Variants in FERMT2 observed in about 807,000 individuals in gnomAD.
FERMT2 encodes the protein FERM domain containing kindlin 2, also known as fermitin family homolog 2.
In FERMT2, 15 loss-of-function variants were observed where a neutral mutation model predicts 82.7. The observed-to-expected ratio is 0.18, with a 90% CI of 0.12 to 0.28. The LOEUF (loss-of-function observed/expected upper bound fraction) is 0.28. Ranked by LOEUF, FERMT2 falls within the 10% of genes least tolerant of loss-of-function variation. FERMT2 has a pLI of 1.00. For missense variants in FERMT2, 645 were observed against 809.4 expected, an observed-to-expected ratio of 0.80 and a Z score of 2.46; for synonymous variants, 274 against 271.5, an observed-to-expected ratio of 1.01 and a Z score of -0.09.
At chr14:52,889,217 A>G (rs1260127299) in intron 4 of FERMT2, among the ~76,000 whole-genome samples, 3 of 152,234 alleles carry the variant, frequency 2.0e-5, no homozygotes, top group African/African-American at 7.2e-5. Context: ...TTGGACAAGA[A>G]GTTGCTCAAT....
chr14:52,868,414 C>G (rs1885419883), intron 10 of FERMT2, among the ~76,000 whole-genome samples: 2 of 152,078 alleles, frequency 1.3e-5, no homozygotes, highest in African/African-American at 4.8e-5. Flanking sequence ...ACCCCTTGCT[C>G]TTTTCCTTTC....
chr14:52,889,051 G>C (rs1053190181), intron 4 of FERMT2, among the ~76,000 whole-genome samples: 11 of 152,126 alleles, frequency 7.2e-5, no homozygotes, highest in African/African-American at 2.7e-4. Context: ...GGATGAGCCT[G>C]GGCTTACAGC....
chr14:52,935,199 G>GT (rs1365035571), intron 2 of FERMT2, among the ~76,000 whole-genome samples: 2 of 152,108 alleles, frequency 1.3e-5, no homozygotes, highest in African/African-American at 4.8e-5. Flanking sequence ...TAAAAAAAAA[G>GT]TTTTTAATCT....
At chr14:52,901,144 T>A (rs1159865531) in intron 3 of FERMT2, among the ~76,000 whole-genome samples, 2 of 146,476 alleles carry the variant, frequency 1.4e-5, no homozygotes, top group East Asian at 2.0e-4. Context: ...AGCTGGGCGT[T>A]GTGGCGGGCG....
intron 2 of FERMT2, among the ~76,000 whole-genome samples, chr14:52,944,888 T>C (rs1251603644): frequency 6.6e-6 from 1 of 152,056 alleles, no homozygotes; most frequent in African/African-American, 2.4e-5. Flanking sequence ...AGAAATATAA[T>C]CCTCAGATTT....
chr14:52,913,448 G>A (rs1888438314), intron 3 of FERMT2, among the ~76,000 whole-genome samples: 1 of 152,112 alleles, frequency 6.6e-6, no homozygotes. Flanking sequence ...TGTTATCCTG[G>A]CTTGAGTCAC....
chr14:52,864,457 T>A lies in FERMT2; in HGVS notation c.1546A>T (p.Ile516Leu). The change falls in exon 12 of 15, where the codon ATA becomes TTA. Residue 516 changes from isoleucine to leucine, a missense_variant. By Grantham distance (5) the Ile-to-Leu change is conservative. Transcript: ENST00000341590. ...QLIPEQITTD[I>L]TPECLVSPRY... The stretch of plus-strand genomic sequence containing the variant: ...GGAGACACCAAACATTCAGGAGTTA[T>A]ATCAGTCGTGATCTGCTCTGGTATT... 1 of 1,614,174 alleles carries A rather than the reference T, an allele frequency of 6.2e-7. No homozygotes were observed. The highest frequency in any genetic ancestry group is 1.1e-5 in the South Asian group (1 of 91,086).
intron 2 of FERMT2, among the ~76,000 whole-genome samples, chr14:52,939,199 A>C (rs1402428255): frequency 6.7e-6 from 1 of 149,584 alleles, no homozygotes; most frequent in South Asian, 2.1e-4. Context: ...TACTAAAAAA[A>C]AAAAAAAAAA....
chr14:52,884,353 G>A (rs1886465290), intron 4 of FERMT2, among the ~76,000 whole-genome samples: 1 of 152,190 alleles, frequency 6.6e-6, no homozygotes, highest in South Asian at 2.1e-4. Context: ...TGTAATCCCA[G>A]CACTTTGGGA....
At chr14:52,868,005 A>T (rs1885390990) in intron 10 of FERMT2, among the ~76,000 whole-genome samples, 1 of 152,042 alleles carries the variant, frequency 6.6e-6, no homozygotes, top group African/African-American at 2.4e-5. Flanking sequence ...ATAAATATGG[A>T]TCTTGTCATT....
chr14:52,905,766 A>G (rs939650977), intron 3 of FERMT2, among the ~76,000 whole-genome samples: 1 of 152,236 alleles, frequency 6.6e-6, no homozygotes, highest in Non-Finnish European at 1.5e-5. Flanking sequence ...GAGGGAGCAC[A>G]GAGATTTGGA....
chr14:52,897,592 T>C (rs1318086929), intron 3 of FERMT2, among the ~76,000 whole-genome samples: 2 of 152,182 alleles, frequency 1.3e-5, no homozygotes, highest in Non-Finnish European at 2.9e-5. Context: ...ATATAAACAT[T>C]GTCCATGTTT....
chr14:52,947,028 G>A (rs879549415), intron 2 of FERMT2, among the ~76,000 whole-genome samples: 4 of 152,074 alleles, frequency 2.6e-5, no homozygotes, highest in Non-Finnish European at 5.9e-5. Context: ...ACACTGAGGG[G>A]ATCAATTATT....
intron 2 of FERMT2, among the ~76,000 whole-genome samples, chr14:52,949,108 T>C (rs1393558464): frequency 6.6e-6 from 1 of 152,170 alleles, no homozygotes; most frequent in African/African-American, 2.4e-5. Flanking sequence ...GAGGATTTTC[T>C]TTCCTGAGCT....
chr14:52,927,750 G>A (rs990182145), intron 2 of FERMT2, among the ~76,000 whole-genome samples: 2 of 151,940 alleles, frequency 1.3e-5, no homozygotes, highest in South Asian at 2.1e-4. Context: ...GTTTCTGCAC[G>A]AGAGCTGGAG....
intron 2 of FERMT2, among the ~76,000 whole-genome samples, chr14:52,927,387 G>C (rs1443799253): frequency 6.6e-6 from 1 of 151,916 alleles, no homozygotes; most frequent in Non-Finnish European, 1.5e-5. Flanking sequence ...AGAGAAGGGA[G>C]ACATTATTGA....
chr14:52,931,924 G>A (rs1294381129), intron 2 of FERMT2, among the ~76,000 whole-genome samples: 2 of 152,174 alleles, frequency 1.3e-5, no homozygotes, highest in Non-Finnish European at 2.9e-5. Flanking sequence ...AGCTACTCGG[G>A]GGGCTAAGGC....
chr14:52,905,673 C>T (rs756407947), intron 3 of FERMT2, among the ~76,000 whole-genome samples: 109 of 152,198 alleles, frequency 7.2e-4, no homozygotes, highest in Non-Finnish European at 1.2e-3. Context: ...GGATTTCTCC[C>T]GTGTGTCTGG....
chr14:52,882,871 A>G (rs1011251749), intron 4 of FERMT2, among the ~76,000 whole-genome samples: 1 of 152,086 alleles, frequency 6.6e-6, no homozygotes, highest in Non-Finnish European at 1.5e-5. Flanking sequence ...TGTCCCTGAC[A>G]TGTGTTCTTC....
Sources: allele counts gnomAD v4.1 joint callset (sites outside exome capture counted in the v4.1 genomes callset), GRCh38; gene constraint gnomAD v4.1.1; transcripts MANE v1.5; gene names NCBI Gene and HGNC (gene_info 2026-07-23, HGNC 2026-07-21).